Variants in IGF1 observed in about 807,000 individuals in gnomAD.
IGF1 encodes the protein insulin-like growth factor 1.
Under a neutral mutation model 13.8 loss-of-function variants are expected in IGF1, and 4 were observed. The observed-to-expected ratio is 0.29, with a 90% CI of 0.14 to 0.66. The LOEUF is 0.66. Ranked by LOEUF, IGF1 falls within the 30% of genes least tolerant of loss-of-function variation. IGF1 has a pLI of 0.78. For synonymous variants in IGF1, 76 were observed against 72.6 expected, an observed-to-expected ratio of 1.05 and a Z score of -0.23; for missense variants, 124 against 188.5, an observed-to-expected ratio of 0.66 and a Z score of 2.00.
intron 3 of IGF1, chr12:102,417,768 C>G (rs1306655306): frequency 6.2e-7 from 1 of 1,608,510 alleles, no homozygotes; most frequent in Admixed American, 1.7e-5. Flanking sequence ...TTCTTGCTGT[C>G]TGCTCCTCTC....
intron 2 of IGF1, among the ~76,000 whole-genome samples, chr12:102,432,195 G>A (rs564222431): frequency 1.9e-4 from 29 of 152,146 alleles, no homozygotes; most frequent in African/African-American, 3.9e-4. Context: ...CATTGTAAGC[G>A]TTTCCCATAT....
rs1873204126 is a variant in IGF1, at chr12:102,396,618, T to C, written c.*5889A>G. ...TGCATTTTGGGCAAAATAAAATGAGTAATGTTTACTTTTAGGCCTCAGTAA... is the reference window on the plus strand; with the variant it reads ...TGCATTTTGGGCAAAATAAAATGAGCAATGTTTACTTTTAGGCCTCAGTAA... On this transcript the variant is annotated 3_prime_UTR_variant, in exon 4 of 4. Coordinates refer to ENST00000337514, the MANE Select transcript of IGF1 (RefSeq NM_000618.5). The C allele has an allele frequency of 2.8e-6, 1 of 353,516 alleles. No homozygotes were observed. The highest frequency in any genetic ancestry group is 4.7e-5 in the Admixed American group (1 of 21,342). The allele number at this position is 353,516 out of a possible 1,614,324, so 21.9% of individuals were successfully genotyped here.
intron 3 of IGF1, among the ~76,000 whole-genome samples, chr12:102,411,534 C>T (rs1030563634): frequency 1.3e-5 from 2 of 152,124 alleles, no homozygotes; most frequent in Non-Finnish European, 2.9e-5. Context: ...GCCATGGATC[C>T]CAGCTTGGAA....
chr12:102,441,058 T>C (rs1045852527), intron 2 of IGF1, among the ~76,000 whole-genome samples: 12 of 152,150 alleles, frequency 7.9e-5, no homozygotes, highest in African/African-American at 2.9e-4. Flanking sequence ...TACAAGGAAA[T>C]CTCCAAGCCT....
chr12:102,456,141 G>A (rs557536325), intron 2 of IGF1, among the ~76,000 whole-genome samples: 1 of 152,140 alleles, frequency 6.6e-6, no homozygotes, highest in Admixed American at 6.5e-5. Flanking sequence ...CATCTTAGGA[G>A]CATCTGAGGA....
In IGF1 at chr12:102,402,324, T is replaced by G; in HGVS notation, c.*183A>C. On this transcript the variant is annotated 3_prime_UTR_variant, in exon 4 of 4. Coordinates refer to ENST00000337514, the MANE Select transcript of IGF1 (RefSeq NM_000618.5). Reference sequence around the variant, plus strand: ...CAACTCCAGGACCATTTTTGCAAGGTGCAAATCACTCCTAAAGACAATGTT... The same window carrying G: ...CAACTCCAGGACCATTTTTGCAAGGGGCAAATCACTCCTAAAGACAATGTT... 1.5e-6 allele frequency: 1 copy of G among 660,726 alleles called. No individual in the cohort carries two copies. Among genetic ancestry groups the G allele is most frequent in the Non-Finnish European group, 2.8e-6 (1 of 361,192 alleles). The allele number at this position is 660,726 out of a possible 1,614,324, so 40.9% of individuals were successfully genotyped here. A position where few individuals can be genotyped will look rare whatever the true frequency, so the allele number is the denominator to read the frequency against.
At chr12:102,413,580 G>A (rs1278014038) in intron 3 of IGF1, among the ~76,000 whole-genome samples, 1 of 152,142 alleles carries the variant, frequency 6.6e-6, no homozygotes, top group Non-Finnish European at 1.5e-5. Context: ...AAGATCAAAT[G>A]CTTGTGAAAG....
At chr12:102,415,963 G>A (rs189611016) in intron 3 of IGF1, among the ~76,000 whole-genome samples, 1 of 152,280 alleles carries the variant, frequency 6.6e-6, no homozygotes, top group African/African-American at 2.4e-5. Context: ...AGCAGCAGTG[G>A]CTTGGCTCCC....
chr12:102,419,135 A>G (rs1310445986), intron 3 of IGF1, among the ~76,000 whole-genome samples: 2 of 152,224 alleles, frequency 1.3e-5, no homozygotes, highest in Admixed American at 1.3e-4. Context: ...CAACAAACTG[A>G]TGTGGTAGAT....
chr12:102,411,016 A>G (rs1592741822), intron 3 of IGF1, among the ~76,000 whole-genome samples: 1 of 152,218 alleles, frequency 6.6e-6, no homozygotes, highest in East Asian at 1.9e-4. Flanking sequence ...CAGTTTTAAA[A>G]AAATCAGAAT....
At chr12:102,416,218 A>G (rs1049725331) in intron 3 of IGF1, among the ~76,000 whole-genome samples, 20 of 152,178 alleles carry the variant, frequency 1.3e-4, no homozygotes, top group Non-Finnish European at 1.9e-4. Flanking sequence ...TCTTACCCCA[A>G]AATGTCACCA....
rs7971494 is a variant in IGF1 at position 102,460,489 on chromosome 12, C to G, written c.220+15154G>C. 8.5e-5 allele frequency among the ~76,000 whole-genome samples: 13 copies of G among 152,248 alleles called. 1 individual carries two copies. The South Asian group carries it at 2.7e-3, about 32-fold the overall frequency. ...TCTTTGAAGGGATGGCATCATTCTC[C>G]CTTGGGTATTGCTAAACACAGAGCA... On this transcript the variant is annotated intron_variant, in intron 2 of 3. Coordinates refer to ENST00000337514, the MANE Select transcript of IGF1 (RefSeq NM_000618.5).
chr12:102,466,298 A>G (rs1409977485), intron 2 of IGF1, among the ~76,000 whole-genome samples: 2 of 152,180 alleles, frequency 1.3e-5, no homozygotes, highest in Non-Finnish European at 2.9e-5. Context: ...TGGTTTTCCA[A>G]TCTCTCTAAT....
At chr12:102,454,861 G>A (rs965476728) in intron 2 of IGF1, among the ~76,000 whole-genome samples, 4 of 152,174 alleles carry the variant, frequency 2.6e-5, no homozygotes, top group Admixed American at 6.5e-5. Flanking sequence ...GGGACAAATT[G>A]GTGATTTCAG....
At chr12:102,466,571 T>C (rs759998161) in intron 2 of IGF1, among the ~76,000 whole-genome samples, 26 of 152,180 alleles carry the variant, frequency 1.7e-4, no homozygotes, top group Non-Finnish European at 3.2e-4. Context: ...CAATGGCGCT[T>C]GGGGAAAGTT....
In IGF1 at chr12:102,402,382, A is replaced by G; in HGVS notation, c.*125T>C. 1 of 772,370 alleles carries G rather than the reference A, an allele frequency of 1.3e-6. No individual in the cohort carries two copies. The highest frequency in any genetic ancestry group is 1.4e-5 in the South Asian group (1 of 73,516). 47.8% of individuals were successfully genotyped at this position (772,370 alleles called of 1,614,324 possible). On this transcript the variant is annotated 3_prime_UTR_variant, in exon 4 of 4. Transcript: ENST00000337514. ...TTACTTGTGTATTTCATTGGGGGAA[A>G]CGCCCATCTTTTAAATGTTATCAAA...
At chr12:102,421,057 G>A (rs780724241) in intron 2 of IGF1, among the ~76,000 whole-genome samples, 37 of 152,214 alleles carry the variant, frequency 2.4e-4, no homozygotes, top group Non-Finnish European at 4.0e-4. Context: ...CAGTTTGGCT[G>A]CCTCCCTGCT....
intron 3 of IGF1, among the ~76,000 whole-genome samples, chr12:102,414,889 G>T (rs1469667717): frequency 6.6e-6 from 1 of 152,132 alleles, no homozygotes; most frequent in South Asian, 2.1e-4. Flanking sequence ...TTATCAATTT[G>T]CCCTAGGAAA....
At chr12:102,429,740 C>A (rs2137042812) in intron 2 of IGF1, among the ~76,000 whole-genome samples, 1 of 152,238 alleles carries the variant, frequency 6.6e-6, no homozygotes, top group East Asian at 1.9e-4. Flanking sequence ...AGAAATCATA[C>A]CCTTTCTTAT....
Sources: gnomAD v4.1 joint callset for allele counts (sites outside exome capture counted in the v4.1 genomes callset) on GRCh38, gnomAD v4.1.1 for gene constraint, MANE v1.5 for transcripts, NCBI Gene and HGNC (gene_info 2026-07-23, HGNC 2026-07-21) for gene names.